Variants in CNTNAP2 observed in about 807,000 individuals in gnomAD.
CNTNAP2 encodes contactin-associated protein-like 2.
In CNTNAP2, 98 loss-of-function variants were observed where a neutral mutation model predicts 155.2. That is an observed-to-expected ratio of 0.63 (90% CI 0.54 to 0.75). CNTNAP2 has a LOEUF of 0.75. CNTNAP2 is among the 30% of genes least tolerant of loss of function. CNTNAP2 has a pLI of 0.00. For missense variants in CNTNAP2, 1,727 were observed against 1,688.1 expected (o/e 1.02, Z -0.40); for synonymous variants, 651 against 631.2 (o/e 1.03, Z -0.47).
intron 15 of CNTNAP2, among the ~76,000 whole-genome samples, chr7:148,015,358 A>T (rs891663751): frequency 6.6e-6 from 1 of 152,124 alleles, no homozygotes; most frequent in Non-Finnish European, 1.5e-5. Context: ...TTTGTGTCAC[A>T]TTCAACTCAA....
At chr7:146,326,285 A>G (rs1392143625) in intron 1 of CNTNAP2, among the ~76,000 whole-genome samples, 1 of 422 alleles carries the variant, frequency 2.4e-3, no homozygotes, top group Admixed American at 0.038. Context: ...TCACTCATTT[A>G]TATACACGAT....
At chr7:146,635,996 C>T (rs1458212324) in intron 1 of CNTNAP2, among the ~76,000 whole-genome samples, 4 of 152,076 alleles carry the variant, frequency 2.6e-5, no homozygotes, top group Non-Finnish European at 5.9e-5. Context: ...AGCAAACTGC[C>T]TTATAGTATT....
chr7:147,813,738 T>C (rs1798217372), intron 13 of CNTNAP2, among the ~76,000 whole-genome samples: 1 of 152,214 alleles, frequency 6.6e-6, no homozygotes, highest in Admixed American at 6.5e-5. Flanking sequence ...ATTCTGCACA[T>C]GCACGCACGG....
At chr7:146,483,606 C>A (rs977326297) in intron 1 of CNTNAP2, among the ~76,000 whole-genome samples, 4 of 148,474 alleles carry the variant, frequency 2.7e-5, no homozygotes, top group Admixed American at 1.3e-4. Flanking sequence ...ATAGATAATT[C>A]CAAGAATAAA....
At chr7:148,325,543 A>T (rs1797870702) in intron 21 of CNTNAP2, among the ~76,000 whole-genome samples, 1 of 152,262 alleles carries the variant, frequency 6.6e-6, no homozygotes, top group African/African-American at 2.4e-5. Context: ...AAACCATTTC[A>T]GCATCTAATT....
chr7:146,540,522 G>T (rs1797934609), intron 1 of CNTNAP2, among the ~76,000 whole-genome samples: 1 of 152,030 alleles, frequency 6.6e-6, no homozygotes, highest in Non-Finnish European at 1.5e-5. Flanking sequence ...AAAAGGCTAT[G>T]CAAGACTGCA....
intron 20 of CNTNAP2, among the ~76,000 whole-genome samples, chr7:148,256,588 G>A (rs1274909410): frequency 6.6e-6 from 1 of 152,104 alleles, no homozygotes; most frequent in Non-Finnish European, 1.5e-5. Flanking sequence ...TTACCGAGAA[G>A]AGGAAACACA....
intron 8 of CNTNAP2, among the ~76,000 whole-genome samples, chr7:147,275,332 C>A (rs1007201258): frequency 2.6e-5 from 4 of 151,778 alleles, no homozygotes; most frequent in Non-Finnish European, 2.9e-5. Context: ...TCTATGGTTT[C>A]TTTCAGCAGT....
intron 1 of CNTNAP2, among the ~76,000 whole-genome samples, chr7:146,714,429 G>A (rs1239302636): frequency 6.6e-6 from 1 of 152,204 alleles, no homozygotes; most frequent in Non-Finnish European, 1.5e-5. Context: ...AGACACTAAG[G>A]TGGAACCATT....
intron 8 of CNTNAP2, among the ~76,000 whole-genome samples, chr7:147,170,889 G>A (rs1490660107): frequency 6.6e-6 from 1 of 152,172 alleles, no homozygotes; most frequent in East Asian, 1.9e-4. Context: ...CCTCAGTGCC[G>A]TGGGGAAGCT....
chr7:146,212,994 G>A (rs184193591), intron 1 of CNTNAP2, among the ~76,000 whole-genome samples: 2 of 152,284 alleles, frequency 1.3e-5, no homozygotes, highest in African/African-American at 4.8e-5. Context: ...AGTCTAAAGT[G>A]CTCTCAACAG....
intron 3 of CNTNAP2, among the ~76,000 whole-genome samples, chr7:146,930,817 CA>C (rs375005579): frequency 1.4e-4 from 21 of 151,992 alleles, no homozygotes; most frequent in Non-Finnish European, 2.1e-4. Context: ...TTTAAACCAA[CA>C]AAGATCAAAA....
In CNTNAP2 at chr7:147,977,751, C is replaced by T. The variant is rs1585058061; in HGVS notation, c.2256-111C>T. The T allele has an allele frequency of 3.2e-5, 47 of 1,473,150 alleles. 1 individual carries two copies. In the South Asian group the frequency reaches 5.4e-4, roughly 17 times the overall value. 91.3% of individuals were successfully genotyped at this position (1,473,150 alleles called of 1,614,324 possible). On this transcript the variant is annotated intron_variant, in intron 14 of 23. Transcript: ENST00000361727. ...TTTAACTGTGGCTTTACTTAGTAAA[C>T]TTCCAAACGATTACTGAAATGTCAT...
chr7:147,035,310 C>T (rs1799134104), intron 3 of CNTNAP2, among the ~76,000 whole-genome samples: 1 of 152,184 alleles, frequency 6.6e-6, no homozygotes, highest in South Asian at 2.1e-4. Context: ...GAAGGTCCTT[C>T]TTATCTTCCT....
chr7:148,080,997 C>T lies in CNTNAP2; in HGVS notation c.2384-37121C>T, dbSNP rs562966998. ...GGAGACTCAAGGCATAGGTGGAAAC[C>T]GTGCATACAGATGGTATATCTTTAT... On this transcript the variant is annotated intron_variant, in intron 15 of 23. Transcript: ENST00000361727. Among the ~76,000 whole-genome samples the T allele has an allele frequency of 4.6e-4, 70 of 152,196 alleles. 1 individual carries two copies. Among genetic ancestry groups the T allele is most frequent in the African/African-American group, 1.6e-3 (67 of 41,538 alleles).
chr7:147,756,254 T>C (rs1797212397), intron 13 of CNTNAP2, among the ~76,000 whole-genome samples: 1 of 152,240 alleles, frequency 6.6e-6, no homozygotes, highest in African/African-American at 2.4e-5. Flanking sequence ...GGAATTCTTT[T>C]GGTAGTCTTA....
intron 3 of CNTNAP2, among the ~76,000 whole-genome samples, chr7:146,895,411 A>G (rs969411354): frequency 6.6e-6 from 1 of 151,666 alleles, no homozygotes; most frequent in Non-Finnish European, 1.5e-5. Flanking sequence ...ACTAAATTTA[A>G]TCATGAAATT....
chr7:147,994,867 G>GA (rs1801774885), intron 15 of CNTNAP2, among the ~76,000 whole-genome samples: 1 of 152,198 alleles, frequency 6.6e-6, no homozygotes, highest in Non-Finnish European at 1.5e-5. Flanking sequence ...AAGCTGAAGA[G>GA]AAATGAGAGG....
intron 4 of CNTNAP2, among the ~76,000 whole-genome samples, chr7:147,068,024 G>A (rs7796612): frequency 0.05 from 7,587 of 152,290 alleles, 479 homozygotes; most frequent in African/African-American, 0.15. Context: ...GTGCAAGCTC[G>A]AATACTGTTG....
Sources: gnomAD v4.1 joint callset for allele counts (sites outside exome capture counted in the v4.1 genomes callset) on GRCh38, gnomAD v4.1.1 for gene constraint, MANE v1.5 for transcripts, NCBI Gene and HGNC (gene_info 2026-07-23, HGNC 2026-07-21) for gene names.